Variants in RAPGEF2 observed in about 807,000 individuals in gnomAD.
RAPGEF2 encodes the protein Rap guanine nucleotide exchange factor 2, also known as PDZ domain containing guanine nucleotide exchange factor (GEF) 1.
Under a neutral mutation model 186.7 loss-of-function variants are expected in RAPGEF2, and 54 were observed. The ratio of observed to expected loss-of-function variants is 0.29; its 90% CI spans 0.23 to 0.36. The LOEUF is 0.36. Among genes scored for constraint, RAPGEF2 ranks in the 10% least tolerant of loss-of-function variants. RAPGEF2 has a pLI of 1.00. For synonymous variants in RAPGEF2, 712 were observed against 705.9 expected, an observed-to-expected ratio of 1.01 and a Z score of -0.14; for missense variants, 1,532 against 2,045.0, an observed-to-expected ratio of 0.75 and a Z score of 4.84.
At chr4:159,268,089 G>A in intron 7 of RAPGEF2, 1 of 1,592,628 alleles carries the variant, frequency 6.3e-7, no homozygotes, top group Non-Finnish European at 8.5e-7. Flanking sequence ...TGCTGTAGAG[G>A]GTGACTTGCC....
chr4:159,316,401 C>T (rs775477713), intron 9 of RAPGEF2, among the ~76,000 whole-genome samples: 1 of 152,056 alleles, frequency 6.6e-6, no homozygotes, highest in Non-Finnish European at 1.5e-5. Context: ...TCTCTTGCCT[C>T]GGCACCTGGG....
intron 1 of RAPGEF2, among the ~76,000 whole-genome samples, chr4:159,181,013 C>G (rs902219717): frequency 6.6e-6 from 1 of 152,158 alleles, no homozygotes; most frequent in African/African-American, 2.4e-5. Flanking sequence ...AGTATACATT[C>G]ATATTCAAAA....
At chr4:159,184,400 C>G (rs2111287552) in intron 1 of RAPGEF2, among the ~76,000 whole-genome samples, 1 of 152,236 alleles carries the variant, frequency 6.6e-6, no homozygotes, top group Middle Eastern at 3.4e-3. Context: ...CTCTCCAGCA[C>G]CTGTTGTTTC....
chr4:159,273,693 T>C, intron 7 of RAPGEF2, among the ~76,000 whole-genome samples: 1 of 134,514 alleles, frequency 7.4e-6, no homozygotes. Flanking sequence ...TTTCTTTCTT[T>C]CTTTCTTTCT....
At chr4:159,222,205 C>G (rs892555749) in intron 4 of RAPGEF2, among the ~76,000 whole-genome samples, 1 of 152,176 alleles carries the variant, frequency 6.6e-6, no homozygotes, top group African/African-American at 2.4e-5. Context: ...ATTGCTGGAT[C>G]AAGTTGGGAA....
chr4:159,341,972 G>T, intron 20 of RAPGEF2, 25 bp downstream of exon 20: 1 of 1,548,376 alleles, frequency 6.5e-7, no homozygotes, highest in Non-Finnish European at 8.7e-7. Flanking sequence ...TTTTTCTTAA[G>T]ATTCAGTTCA....
intron 3 of RAPGEF2, among the ~76,000 whole-genome samples, chr4:159,206,544 T>TA (rs1046715410): frequency 4.6e-5 from 7 of 152,172 alleles, no homozygotes; most frequent in East Asian, 3.8e-4. Context: ...TCATTTTTCT[T>TA]AAAAAAACCA....
chr4:159,167,537 C>T (rs1413100177), intron 1 of RAPGEF2, among the ~76,000 whole-genome samples: 6 of 152,216 alleles, frequency 3.9e-5, no homozygotes, highest in African/African-American at 1.4e-4. Context: ...GAAGGACTGG[C>T]CACACAGCAC....
At chr4:159,107,542 G>A (rs1478296526) in intron 1 of RAPGEF2, among the ~76,000 whole-genome samples, 1 of 152,086 alleles carries the variant, frequency 6.6e-6, no homozygotes, top group Non-Finnish European at 1.5e-5. Context: ...TTAGCTAGTT[G>A]TAAAAGTTAC....
At chr4:159,286,181 A>G (rs1760467022) in intron 7 of RAPGEF2, among the ~76,000 whole-genome samples, 1 of 151,980 alleles carries the variant, frequency 6.6e-6, no homozygotes, top group South Asian at 2.1e-4. Flanking sequence ...ATCTATGCAC[A>G]TATTGAAACC....
chr4:159,346,727 TTC>T, intron 24 of RAPGEF2, 60 bp from the exon 25 acceptor site: 1 of 1,360,540 alleles, frequency 7.4e-7, no homozygotes, highest in South Asian at 1.2e-5. Context: ...TAGAATTATC[TTC>T]TACATACCTA....
chr4:159,246,831 G>T (rs1170577285), intron 7 of RAPGEF2, among the ~76,000 whole-genome samples: 1 of 152,020 alleles, frequency 6.6e-6, no homozygotes, highest in Non-Finnish European at 1.5e-5. Context: ...ACTTAAGAGG[G>T]TATGTTTTGG....
chr4:159,107,211 G>T (rs1336077243), intron 1 of RAPGEF2, among the ~76,000 whole-genome samples: 2 of 152,112 alleles, frequency 1.3e-5, no homozygotes, highest in Non-Finnish European at 2.9e-5. Flanking sequence ...ATTTTTCAGT[G>T]CACCTCTGTT....
At chr4:159,183,536 A>G (rs775277167) in intron 1 of RAPGEF2, among the ~76,000 whole-genome samples, 11 of 152,348 alleles carry the variant, frequency 7.2e-5, no homozygotes, top group Admixed American at 6.5e-5. Context: ...CTAAAAGCTC[A>G]TGCAACAAAA....
chr4:159,167,346 TGTG>T (rs753954978), intron 1 of RAPGEF2, among the ~76,000 whole-genome samples: 1 of 152,104 alleles, frequency 6.6e-6, no homozygotes, highest in Non-Finnish European at 1.5e-5. Context: ...AGCTGGGAAT[TGTG>T]GTGGTTTGTA....
chr4:159,355,728 G>A lies in RAPGEF2; in HGVS notation c.4652-125G>A, dbSNP rs1452381256. 22 of 916,934 alleles carry A rather than the reference G, an allele frequency of 2.4e-5. No individual in the cohort carries two copies. In the South Asian group the frequency reaches 2.6e-4, roughly 11 times the overall value. 56.8% of individuals were successfully genotyped at this position (916,934 alleles called of 1,614,324 possible). Reference sequence around the variant, plus strand: ...CCTGCCTCACACCGCACCTCTAACCGATACCATGCAAATGCACATCTGCTG... The same window carrying A: ...CCTGCCTCACACCGCACCTCTAACCAATACCATGCAAATGCACATCTGCTG... On this transcript the variant is annotated intron_variant, in intron 28 of 29. Transcript: ENST00000691494.
Position 159,210,644 on chromosome 4 carries a change from C to T in RAPGEF2, c.281+61C>T, listed in dbSNP as rs1750429425. The T allele has an allele frequency of 7.6e-6, 10 of 1,313,512 alleles. No homozygotes were observed. In the South Asian group the frequency reaches 1.2e-4, roughly 15 times the overall value. The allele number at this position is 1,313,512 out of a possible 1,614,324, so 81.4% of individuals were successfully genotyped here. On this transcript the variant is annotated intron_variant, in intron 4 of 29. Coordinates refer to ENST00000691494, the MANE Select transcript of RAPGEF2 (RefSeq NM_001394067.2). Reference sequence around the variant, plus strand: ...AAGCTTGAAATTCTTTTGCAGAATTCAGTTCTAAAATTCTTTTCTCTTCCT... The same window carrying T: ...AAGCTTGAAATTCTTTTGCAGAATTTAGTTCTAAAATTCTTTTCTCTTCCT...
intron 12 of RAPGEF2, 28 bp from the exon 13 acceptor site, chr4:159,330,306 T>TGTGTGTGTGTGTGTGTGTGTG (rs763424103): frequency 7.5e-7 from 1 of 1,334,072 alleles, no homozygotes; most frequent in Admixed American, 2.2e-5. Context: ...TATATATATG[T>TGTGTGTGTGTGTGTGTGTGTG]AGTAATTAAA....
In RAPGEF2 at chr4:159,353,662, A is replaced by G. The variant is rs374534654; in HGVS notation, c.4267A>G (p.Thr1423Ala). 1.3e-6 allele frequency: 2 copies of G among 1,586,086 alleles called. No individual in the cohort carries two copies. Among genetic ancestry groups the G allele is most frequent in the Non-Finnish European group, 1.7e-6 (2 of 1,167,620 alleles). ...CSSGSHDNIQ[T>A]IQHQRSWETL... ...AAGTGGCTCCCATGATAATATACAG[A>G]CGATCCAGCACCAGAGAAGCTGGGA... Residue 1423 changes from threonine (T) to alanine (A), a missense_variant, in exon 28 of 30, where the codon ACG (threonine) becomes GCG (alanine). Coordinates refer to ENST00000691494, the MANE Select transcript of RAPGEF2 (RefSeq NM_001394067.2). The surrounding 1 kb of genome is among the most constrained non-coding windows in gnomAD (Gnocchi z 4.3).
Sources: allele counts gnomAD v4.1 joint callset (sites outside exome capture counted in the v4.1 genomes callset), GRCh38; gene constraint gnomAD v4.1.1; non-coding constraint Gnocchi (gnomAD v3.1); transcripts MANE v1.5; gene names NCBI Gene and HGNC (gene_info 2026-07-23, HGNC 2026-07-21).